Variants in EDA observed in about 807,000 individuals in gnomAD.
EDA encodes the protein ectodysplasin A.
In EDA, 2 loss-of-function variants were observed where a neutral mutation model predicts 23.6. That is an observed-to-expected ratio of 0.08 (90% CI 0.03 to 0.27). The LOEUF is 0.27. Among genes scored for constraint, EDA ranks in the 10% least tolerant of loss-of-function variants. The probability of loss-of-function intolerance (pLI) is 1.00; values close to 1 mark genes in which losing one functional copy is unlikely to be tolerated. For synonymous variants in EDA, 131 were observed against 132.0 expected, an observed-to-expected ratio of 0.99 and a Z score of 0.05; for missense variants, 229 against 324.2, an observed-to-expected ratio of 0.71 and a Z score of 2.26.
At chrX:69,677,470 C>G (rs1476950167) in intron 1 of EDA, among the ~76,000 whole-genome samples, 1 of 111,465 alleles carries the variant, frequency 9.0e-6, no homozygotes, top group Admixed American at 9.5e-5. Context: ...TCCTATTTCT[C>G]CACATCCTCT....
chrX:70,037,584 G>T lies in EDA; in HGVS notation c.*1975G>T, dbSNP rs1008701633. On this transcript the variant is annotated 3_prime_UTR_variant, in exon 8 of 8. Coordinates refer to ENST00000374552, the MANE Select transcript of EDA (RefSeq NM_001399.5). ...CAGAGTGTTTTGACCAGTTTAAGCC[G>T]CAGACCTGGAGCTTCAGCCAGGTCT... is the stretch of plus-strand genomic sequence containing the variant. 1.8e-5 allele frequency: 2 copies of T among 111,827 alleles called. No homozygotes were observed. Among genetic ancestry groups the T allele is most frequent in the African/African-American group, 3.3e-5 (1 of 30,713 alleles). 9.2% of individuals were successfully genotyped at this position (111,827 alleles called of 1,213,427 possible).
chrX:69,718,452 A>G (rs2012434932), intron 1 of EDA, among the ~76,000 whole-genome samples: 1 of 111,222 alleles, frequency 9.0e-6, no homozygotes, highest in East Asian at 2.8e-4. Flanking sequence ...CTTTTTATCA[A>G]GTGAGTTAAT....
chrX:69,755,292 C>T (rs1179446502), intron 1 of EDA, among the ~76,000 whole-genome samples: 1 of 112,197 alleles, frequency 8.9e-6, no homozygotes, highest in Non-Finnish European at 1.9e-5. Context: ...TTATGACCCT[C>T]ATCTGCAGGT....
chrX:69,733,551 G>C (rs1411196553), intron 1 of EDA, among the ~76,000 whole-genome samples: 2 of 107,776 alleles, frequency 1.9e-5, no homozygotes, highest in Non-Finnish European at 3.9e-5. Flanking sequence ...CTCCAGCTTT[G>C]TTCTTTTTGC....
chrX:69,790,979 G>C (rs1311334193), intron 1 of EDA, among the ~76,000 whole-genome samples: 6 of 111,274 alleles, frequency 5.4e-5, no homozygotes, highest in Non-Finnish European at 1.1e-4. Context: ...ATACAGTATT[G>C]CCTTTTAAAG....
chrX:69,731,072 C>T lies in EDA; in HGVS notation c.396+114368C>T, dbSNP rs890895205. On this transcript the variant is annotated intron_variant, in intron 1 of 7. Transcript: ENST00000374552. Reference sequence around the variant, plus strand: ...GAACTGTTCAGGATATCTGTTTCTTCTTGAATGAGTTTAGTTATTTTGTAT... The same window carrying T: ...GAACTGTTCAGGATATCTGTTTCTTTTTGAATGAGTTTAGTTATTTTGTAT... Among the ~76,000 whole-genome samples, 8 of 112,171 alleles carry T rather than the reference C, an allele frequency of 7.1e-5. No homozygotes were observed. The South Asian group carries it at 2.9e-3, about 41-fold the overall frequency.
intron 1 of EDA, among the ~76,000 whole-genome samples, chrX:69,752,483 A>G (rs745577136): frequency 4.1e-4 from 46 of 111,707 alleles, no homozygotes; most frequent in Middle Eastern, 4.6e-3. Context: ...GTTTGCCAGT[A>G]TTTTATTGAG....
chrX:69,972,432 A>T (rs867156169), intron 2 of EDA, among the ~76,000 whole-genome samples: 1 of 111,778 alleles, frequency 8.9e-6, no homozygotes, highest in African/African-American at 3.2e-5. Context: ...CAGAATGTGA[A>T]TAAGAGTGAC....
At chrX:69,751,319 A>T (rs1158177378) in intron 1 of EDA, among the ~76,000 whole-genome samples, 1 of 111,971 alleles carries the variant, frequency 8.9e-6, no homozygotes, top group Non-Finnish European at 1.9e-5. Flanking sequence ...AGGTTTGTCA[A>T]AGATCAGATG....
chrX:69,991,465 A>C (rs1279633082), intron 2 of EDA, among the ~76,000 whole-genome samples: 1 of 110,557 alleles, frequency 9.0e-6, no homozygotes, highest in Non-Finnish European at 1.9e-5. Flanking sequence ...TACCTATGGG[A>C]ACAGAAGGTG....
At chrX:69,761,582 CATA>C (rs779980602) in intron 1 of EDA, among the ~76,000 whole-genome samples, 7 of 111,582 alleles carry the variant, frequency 6.3e-5, no homozygotes, top group Non-Finnish European at 1.3e-4. Flanking sequence ...CAGCTATTGA[CATA>C]ATATTATCAG....
chrX:69,844,182 A>G (rs1269205586), intron 1 of EDA, among the ~76,000 whole-genome samples: 11 of 111,702 alleles, frequency 9.8e-5, no homozygotes, highest in Admixed American at 1.9e-4. Flanking sequence ...TTAGGCATCA[A>G]GACCTCTGGC....
At chrX:69,753,010 A>T (rs2013949737) in intron 1 of EDA, among the ~76,000 whole-genome samples, 1 of 111,017 alleles carries the variant, frequency 9.0e-6, no homozygotes, top group African/African-American at 3.3e-5. Flanking sequence ...AATTTTGTTG[A>T]TCTTTTCAAA....
At chrX:69,978,538 C>T (rs1275200336) in intron 2 of EDA, among the ~76,000 whole-genome samples, 1 of 105,585 alleles carries the variant, frequency 9.5e-6, no homozygotes, top group Non-Finnish European at 1.9e-5. Context: ...AGAAAAAAAG[C>T]AGCTTTCTCG....
chrX:69,870,821 T>C (rs1316929029), intron 1 of EDA, among the ~76,000 whole-genome samples: 2 of 111,538 alleles, frequency 1.8e-5, no homozygotes, highest in Non-Finnish European at 3.8e-5. Flanking sequence ...TAGTAAGAGC[T>C]TGTGTCTGTT....
rs1263423668 is a variant in EDA, at chrX:70,027,837, C to A, written c.527-20C>A. 1 of 709,524 alleles carries A rather than the reference C, an allele frequency of 1.4e-6. No homozygotes were observed. Among genetic ancestry groups the A allele is most frequent in the Non-Finnish European group, 2.2e-6 (1 of 456,404 alleles). The allele number at this position is 709,524 out of a possible 1,213,427, so 58.5% of individuals were successfully genotyped here. A position where few individuals can be genotyped will look rare whatever the true frequency, so the allele number is the denominator to read the frequency against. On this transcript the variant is annotated intron_variant, in intron 3 of 7. Transcript: ENST00000374552. The stretch of plus-strand genomic sequence containing the variant: ...GACTCCGTCTCAAAAAAAAAAGTAA[C>A]ACTGAATCCTATTTTTCAGGAAAGA...
chrX:69,831,159 C>T (rs1157618785), intron 1 of EDA, among the ~76,000 whole-genome samples: 3 of 111,310 alleles, frequency 2.7e-5, no homozygotes, highest in Non-Finnish European at 5.6e-5. Context: ...TGGTTTGCTG[C>T]ACCCATCAAC....
At chrX:70,033,326 C>T in intron 6 of EDA, 72 bp from the exon 7 acceptor site, 1 of 1,194,801 alleles carries the variant, frequency 8.4e-7, no homozygotes, top group South Asian at 1.8e-5. Context: ...GTTGTGAACT[C>T]CTTGGTATTT....
rs187963092 is a variant in EDA at position 69,768,428 on chromosome X, T to C, written c.396+151724T>C. On this transcript the variant is annotated intron_variant, in intron 1 of 7. Transcript: ENST00000374552. Reference sequence around the variant, plus strand: ...ATTTTTTTGCATATGGATATCCACTTGTTTCAGCATGGTTTGTTGAATAGA... The same window carrying C: ...ATTTTTTTGCATATGGATATCCACTCGTTTCAGCATGGTTTGTTGAATAGA... Among the ~76,000 whole-genome samples, 4 of 111,604 alleles carry C rather than the reference T, an allele frequency of 3.6e-5. No homozygotes were observed. In the East Asian group the frequency reaches 1.1e-3, roughly 31 times the overall value.
Sources: gnomAD v4.1 joint callset for allele counts (sites outside exome capture counted in the v4.1 genomes callset) on GRCh38, gnomAD v4.1.1 for gene constraint, MANE v1.5 for transcripts, NCBI Gene and HGNC (gene_info 2026-07-23, HGNC 2026-07-21) for gene names.